SCFD2: variants seen among roughly 807,000 people sequenced by gnomAD.
SCFD2 encodes sec1 family domain containing 2, also known as sec1 family domain-containing protein 2.
A neutral mutation model predicts 58.9 loss-of-function variants in SCFD2; 54 were observed. The ratio of observed to expected loss-of-function variants is 0.92; its 90% CI spans 0.74 to 1.15. The LOEUF (loss-of-function observed/expected upper bound fraction) is 1.15. SCFD2 is among the 50% of genes most tolerant of loss of function. The probability of loss-of-function intolerance (pLI) is 0.00; values close to 1 mark genes in which losing one functional copy is unlikely to be tolerated. For missense variants in SCFD2, 805 were observed against 836.6 expected, an observed-to-expected ratio of 0.96 and a Z score of 0.47; for synonymous variants, 321 against 335.9, an observed-to-expected ratio of 0.96 and a Z score of 0.49.
At chr4:53,081,697 ATTACT>A (rs892993583) in intron 5 of SCFD2, among the ~76,000 whole-genome samples, 7 of 152,132 alleles carry the variant, frequency 4.6e-5, no homozygotes, top group Non-Finnish European at 5.9e-5. Flanking sequence ...CATAAAATTT[ATTACT>A]TTAAAGTGTG....
At chr4:53,229,289 C>A (rs1397898315) in intron 4 of SCFD2, among the ~76,000 whole-genome samples, 2 of 152,050 alleles carry the variant, frequency 1.3e-5, no homozygotes, top group Non-Finnish European at 2.9e-5. Context: ...TCATATGGAA[C>A]CAAAAAAGAG....
chr4:53,333,688 G>T (rs1733577193), intron 2 of SCFD2, among the ~76,000 whole-genome samples: 1 of 132,570 alleles, frequency 7.5e-6, no homozygotes, highest in Non-Finnish European at 1.6e-5. Flanking sequence ...ACATAGGCAT[G>T]GGCAAGGACT....
intron 4 of SCFD2, among the ~76,000 whole-genome samples, chr4:53,187,690 AAAC>A (rs1727777838): frequency 6.6e-6 from 1 of 152,082 alleles, no homozygotes; most frequent in Non-Finnish European, 1.5e-5. Flanking sequence ...ATTTTCATTA[AAAC>A]AACAACAATA....
chr4:52,947,696 C>T (rs1286039465), intron 5 of SCFD2, among the ~76,000 whole-genome samples: 1 of 150,964 alleles, frequency 6.6e-6, no homozygotes, highest in Non-Finnish European at 1.5e-5. Context: ...AACTACTTAG[C>T]AAATGGTGTT....
intron 4 of SCFD2, among the ~76,000 whole-genome samples, chr4:53,206,717 A>G (rs938726927): frequency 5.3e-5 from 8 of 152,118 alleles, no homozygotes; most frequent in African/African-American, 1.9e-4. Context: ...TGGAACAATT[A>G]TTATTTTTCA....
chr4:53,295,439 G>C (rs1209089686), intron 3 of SCFD2, among the ~76,000 whole-genome samples: 1 of 152,090 alleles, frequency 6.6e-6, no homozygotes, highest in South Asian at 2.1e-4. Context: ...GGCTCTGTTT[G>C]TCTGTTATTG....
At chr4:53,219,998 G>C (rs1164357615) in intron 4 of SCFD2, among the ~76,000 whole-genome samples, 1 of 152,072 alleles carries the variant, frequency 6.6e-6, no homozygotes. Context: ...GGGTAGTGGA[G>C]GTGTTTTTGC....
chr4:53,094,406 T>C (rs1319012740), intron 5 of SCFD2, among the ~76,000 whole-genome samples: 1 of 152,114 alleles, frequency 6.6e-6, no homozygotes, highest in African/African-American at 2.4e-5. Context: ...TGTCTCCCCA[T>C]GATCTTTCCT....
At chr4:53,117,628 G>A (rs1227411368) in intron 5 of SCFD2, among the ~76,000 whole-genome samples, 2 of 152,206 alleles carry the variant, frequency 1.3e-5, no homozygotes, top group African/African-American at 4.8e-5. Flanking sequence ...ATCTGGAGGT[G>A]TAGAAGGGAA....
At chr4:53,188,323 G>A (rs1727794428) in intron 4 of SCFD2, among the ~76,000 whole-genome samples, 1 of 152,026 alleles carries the variant, frequency 6.6e-6, no homozygotes, top group South Asian at 2.1e-4. Context: ...GAAACCTTTT[G>A]CCTGACAGTT....
intron 4 of SCFD2, among the ~76,000 whole-genome samples, chr4:53,255,763 G>A (rs1463938686): frequency 2.6e-5 from 4 of 151,250 alleles, no homozygotes; most frequent in Admixed American, 1.3e-4. Flanking sequence ...CGGGCAGAGG[G>A]GCTCCTCACT....
chr4:53,152,035 A>C (rs1407493930), intron 4 of SCFD2, among the ~76,000 whole-genome samples: 2 of 152,162 alleles, frequency 1.3e-5, no homozygotes, highest in Non-Finnish European at 2.9e-5. Context: ...CCCATAACCC[A>C]AACATCTCCC....
At chr4:53,083,197 A>G in intron 5 of SCFD2, among the ~76,000 whole-genome samples, 1 of 152,190 alleles carries the variant, frequency 6.6e-6, no homozygotes, top group Non-Finnish European at 1.5e-5. Context: ...TTTCAAAAGC[A>G]GCTCTGGTGA....
At chr4:53,128,762 C>A (rs1310345847) in intron 5 of SCFD2, among the ~76,000 whole-genome samples, 2 of 152,072 alleles carry the variant, frequency 1.3e-5, no homozygotes, top group East Asian at 3.9e-4. Context: ...AAGAGATGAC[C>A]AAAATACTAT....
chr4:53,346,005 C>G (rs1035756904), intron 2 of SCFD2, among the ~76,000 whole-genome samples: 1 of 152,000 alleles, frequency 6.6e-6, no homozygotes, highest in Non-Finnish European at 1.5e-5. Context: ...ACGTAAATGA[C>G]GAGTTGATGG....
intron 4 of SCFD2, among the ~76,000 whole-genome samples, chr4:53,264,898 A>T (rs1730934764): frequency 6.6e-6 from 1 of 152,188 alleles, no homozygotes. Flanking sequence ...ACTTAAAACT[A>T]AAGCTATATT....
intron 5 of SCFD2, among the ~76,000 whole-genome samples, chr4:52,933,543 TG>T (rs1018111541): frequency 6.6e-6 from 1 of 151,944 alleles, no homozygotes; most frequent in Non-Finnish European, 1.5e-5. Flanking sequence ...TTTGAGAGAG[TG>T]GGGCTTGGGC....
intron 4 of SCFD2, among the ~76,000 whole-genome samples, chr4:53,208,124 T>G (rs1391509280): frequency 6.6e-6 from 1 of 151,628 alleles, no homozygotes; most frequent in African/African-American, 2.4e-5. Flanking sequence ...GCCCAGCAAT[T>G]TTTTTCTTTT....
intron 2 of SCFD2, among the ~76,000 whole-genome samples, chr4:53,329,567 A>G (rs1449628430): frequency 6.6e-6 from 1 of 151,490 alleles, no homozygotes; most frequent in Middle Eastern, 3.2e-3. Context: ...ACAAACAGAA[A>G]GGACATCCAC....
Sources: allele counts gnomAD v4.1 joint callset (sites outside exome capture counted in the v4.1 genomes callset), GRCh38; gene constraint gnomAD v4.1.1; transcripts MANE v1.5; gene names NCBI Gene and HGNC (gene_info 2026-07-23, HGNC 2026-07-21).